The following DBF4B variants were observed in gnomAD, a reference collection of about 807,000 sequenced individuals.
DBF4B encodes the protein DBF4B-CDC7 kinase regulatory subunit.
A neutral mutation model predicts 53.4 loss-of-function variants in DBF4B; 49 were observed. That is an observed-to-expected ratio of 0.92 (90% CI 0.73 to 1.16). DBF4B has a LOEUF of 1.16. DBF4B is among the 50% of genes most tolerant of loss of function. The pLI is 0.00. For synonymous variants in DBF4B, 257 were observed against 288.7 expected, an observed-to-expected ratio of 0.89 and a Z score of 1.11; for missense variants, 692 against 775.0, an observed-to-expected ratio of 0.89 and a Z score of 1.27.
In DBF4B at chr17:44,708,668, C is replaced by T; in HGVS notation, c.-153C>T. The T allele has an allele frequency of 6.9e-6, 6 of 874,402 alleles. No homozygotes were observed. In the South Asian group the frequency reaches 1.5e-4, roughly 22 times the overall value. 54.2% of individuals were successfully genotyped at this position (874,402 alleles called of 1,614,324 possible). On this transcript the variant is annotated 5_prime_UTR_variant, in exon 1 of 14. Transcript: ENST00000315005. ...GGGTGGAGCCGGCAGGAAATTTAAACTGAAGCCGCGGCCGAAAACGCCAAG... is the reference window on the plus strand; with the variant it reads ...GGGTGGAGCCGGCAGGAAATTTAAATTGAAGCCGCGGCCGAAAACGCCAAG...
At chr17:44,712,551 G>C (rs928189536) in intron 2 of DBF4B, among the ~76,000 whole-genome samples, 1 of 151,654 alleles carries the variant, frequency 6.6e-6, no homozygotes, top group South Asian at 2.1e-4. Context: ...TGATCCACCC[G>C]TCTCAGACTC....
intron 2 of DBF4B, among the ~76,000 whole-genome samples, chr17:44,711,288 G>C (rs1413418453): frequency 6.6e-6 from 1 of 151,866 alleles, no homozygotes; most frequent in African/African-American, 2.4e-5. Flanking sequence ...CTGGCCTCCA[G>C]ATTGATTCTT....
At chr17:44,734,292 G>A in intron 7 of DBF4B, 129 bp downstream of exon 7, 1 of 1,147,944 alleles carries the variant, frequency 8.7e-7, no homozygotes, top group Non-Finnish European at 1.3e-6. Context: ...GAGGAATGCA[G>A]CCTCTTATTT....
rs934972459 is a variant in DBF4B at position 44,725,520 on chromosome 17, A to G, written c.225+2498A>G. Among the ~76,000 whole-genome samples the G allele has an allele frequency of 3.9e-5, 6 of 151,968 alleles. No individual in the cohort carries two copies. The East Asian group carries it at 1.2e-3, about 29-fold the overall frequency. ...AGAAATGTGTAAGTTGTATGATCGC[A>G]TAGTCAATTGTAGAACATTTTCATC... On this transcript the variant is annotated intron_variant, in intron 3 of 13. Transcript: ENST00000315005.
intron 10 of DBF4B, among the ~76,000 whole-genome samples, chr17:44,743,345 G>A (rs968895014): frequency 5.3e-5 from 8 of 152,166 alleles, no homozygotes; most frequent in African/African-American, 1.7e-4. Context: ...TTACATTTTT[G>A]AAATCATTAT....
At chr17:44,710,581 TTTTA>T (rs755740815) in intron 2 of DBF4B, among the ~76,000 whole-genome samples, 14 of 152,174 alleles carry the variant, frequency 9.2e-5, no homozygotes, top group Non-Finnish European at 1.5e-4. Context: ...AAATGTTTTA[TTTTA>T]TTTATTTTGA....
intron 13 of DBF4B, 46 bp downstream of exon 13, chr17:44,748,511 C>G (rs1440668732): frequency 1.2e-6 from 2 of 1,612,048 alleles, no homozygotes; most frequent in Middle Eastern, 1.7e-4. Context: ...CAGGCACCAG[C>G]TGAACGTGCA....
chr17:44,729,823 A>G, intron 3 of DBF4B, 82 bp from the exon 4 acceptor site: 1 of 1,486,452 alleles, frequency 6.7e-7, no homozygotes, highest in Non-Finnish European at 9.1e-7. Flanking sequence ...CTGGCAGCCA[A>G]GATTTCCTTC....
At chr17:44,729,726 A>ACACACC (rs1555677106) in intron 3 of DBF4B, among the ~76,000 whole-genome samples, 179 bp from the exon 4 acceptor site, 25 of 144,172 alleles carry the variant, frequency 1.7e-4, no homozygotes, top group Non-Finnish European at 2.7e-4. Context: ...ACACACACAC[A>ACACACC]CCCCATTAGA....
At position 44,741,403 on chromosome 17, in the gene DBF4B, G is replaced by T. The variant is rs1178417749; in HGVS notation, c.781G>T (p.Ala261Ser). The change falls in exon 10 of 14, where the codon GCA (alanine) becomes TCA (serine). Residue 261 changes from alanine to serine, a missense_variant. By Grantham distance (99) the Ala-to-Ser change is moderately conservative. Around this residue, in one of 3 missense-constraint regions of DBF4B, gnomAD observed 597 missense variants for 665.8 expected, o/e 0.90. Coordinates refer to ENST00000315005, the MANE Select transcript of DBF4B (RefSeq NM_145663.3). ...PEISFLGPKDASPFEAPTTLG... is the reference protein window; with the variant it reads ...PEISFLGPKDSSPFEAPTTLG... The stretch of plus-strand genomic sequence containing the variant: ...AATTTCTTTTCTTGGACCCAAAGAT[G>T]CAAGTCCCTTTGAGGCCCCGACGAC... The T allele has an allele frequency of 2.5e-6, 4 of 1,613,728 alleles. No individual in the cohort carries two copies. Among genetic ancestry groups the T allele is most frequent in the African/African-American group, 1.3e-5 (1 of 75,010 alleles).
chr17:44,734,853 C>T (rs1975208009), intron 7 of DBF4B, among the ~76,000 whole-genome samples: 1 of 152,184 alleles, frequency 6.6e-6, no homozygotes, highest in Admixed American at 6.5e-5. Context: ...CCTGTAATTC[C>T]AGCACTTTGG....
At chr17:44,737,595 G>A (rs948829538) in intron 8 of DBF4B, among the ~76,000 whole-genome samples, 5 of 152,158 alleles carry the variant, frequency 3.3e-5, no homozygotes, top group Non-Finnish European at 7.3e-5. Context: ...GCGTCTTTGG[G>A]GAATTTATGG....
chr17:44,745,673 AAT>A (rs1297054248), intron 10 of DBF4B, among the ~76,000 whole-genome samples: 2 of 152,222 alleles, frequency 1.3e-5, no homozygotes, highest in African/African-American at 4.8e-5. Flanking sequence ...ATTACAATTC[AAT>A]ATGAGATTTG....
chr17:44,730,576 A>C (rs910620460), intron 4 of DBF4B, among the ~76,000 whole-genome samples: 3 of 152,182 alleles, frequency 2.0e-5, no homozygotes, highest in African/African-American at 7.2e-5. Flanking sequence ...ATGAACATAC[A>C]CTGTTGGCAT....
Position 44,749,835 on chromosome 17 carries a change from C to G in DBF4B, c.1190-760C>G, listed in dbSNP as rs996458123. ...CCCCCAACCCCGGCCTCCTTTCTCA[C>G]GAGCATGTGGCCGCTCCTGCTTTCC... On this transcript the variant is annotated intron_variant, in intron 13 of 13. Coordinates refer to ENST00000315005, the MANE Select transcript of DBF4B (RefSeq NM_145663.3). The surrounding 1 kb of genome is among the most constrained non-coding windows in gnomAD (Gnocchi z 4.4). 1 of 1,033,488 alleles carries G rather than the reference C, an allele frequency of 9.7e-7. No individual in the cohort carries two copies. The highest frequency in any genetic ancestry group is 8.4e-5 in the East Asian group (1 of 11,970). 64.0% of individuals were successfully genotyped at this position (1,033,488 alleles called of 1,614,324 possible).
At chr17:44,731,994 G>C (rs1033263921) in intron 5 of DBF4B, 184 bp from the exon 6 acceptor site, 3 of 587,408 alleles carry the variant, frequency 5.1e-6, no homozygotes, top group Non-Finnish European at 9.1e-6. Context: ...GCCATGTGGA[G>C]GACAGGATGT....
chr17:44,744,091 C>G (rs1038026768), intron 10 of DBF4B, among the ~76,000 whole-genome samples: 19 of 60,160 alleles, frequency 3.2e-4, no homozygotes, highest in East Asian at 3.1e-3. Context: ...ACCCCCCCCC[C>G]CCCCCGCCCA....
intron 8 of DBF4B, among the ~76,000 whole-genome samples, chr17:44,738,125 C>T (rs1975635731): frequency 1.3e-5 from 2 of 152,260 alleles, no homozygotes; most frequent in Non-Finnish European, 2.9e-5. Context: ...CTCCTGCGTC[C>T]TGCAGAGGAA....
Position 44,722,908 on chromosome 17 carries a change from G to A in DBF4B, c.111G>A (p.Gln37=). 1 of 1,614,170 alleles carries A rather than the reference G, an allele frequency of 6.2e-7. No individual in the cohort carries two copies. The highest frequency in any genetic ancestry group is 8.5e-7 in the Non-Finnish European group (1 of 1,180,026). The change falls in exon 3 of 14, where the codon CAG becomes CAA. Residue 37 remains glutamine (Q), a synonymous_variant. Transcript: ENST00000315005. The part of the protein sequence containing the change: ...LGVSRCLGKC[Q]KNSPGARKHP... Reference sequence around the variant, plus strand: ...TTTCCAGGTGTCTAGGAAAATGCCAGAAGAACTCACCAGGTGCCAGGAAGC... The same window carrying A: ...TTTCCAGGTGTCTAGGAAAATGCCAAAAGAACTCACCAGGTGCCAGGAAGC...
Sources: gnomAD v4.1 joint callset for allele counts (sites outside exome capture counted in the v4.1 genomes callset) on GRCh38, gnomAD v4.1.1 for gene constraint, gnomAD v4.1.1 regional missense constraint, Gnocchi (gnomAD v3.1) non-coding constraint, MANE v1.5 for transcripts, NCBI Gene and HGNC (gene_info 2026-07-23, HGNC 2026-07-21) for gene names.